The following BCAR1 variants were observed in gnomAD, a reference collection of about 807,000 sequenced individuals.
BCAR1 encodes breast cancer anti-estrogen resistance protein 1.
BCAR1 carries 30 observed loss-of-function variants against 67.6 expected under a neutral mutation model. The observed-to-expected ratio is 0.44, with a 90% confidence interval of 0.33 to 0.60. The LOEUF (loss-of-function observed/expected upper bound fraction) is 0.60. BCAR1 is among the 20% of genes least tolerant of loss of function. The probability of loss-of-function intolerance (pLI) is 0.02; values close to 1 mark genes in which losing one functional copy is unlikely to be tolerated. For missense variants in BCAR1, 1,313 were observed against 1,222.3 expected, an observed-to-expected ratio of 1.07 and a Z score of -1.11; for synonymous variants, 626 against 556.7, an observed-to-expected ratio of 1.12 and a Z score of -1.75.
At chr16:75,240,946 G>A (rs1422946798) in intron 2 of BCAR1, among the ~76,000 whole-genome samples, 1 of 152,232 alleles carries the variant, frequency 6.6e-6, no homozygotes, top group Non-Finnish European at 1.5e-5. Flanking sequence ...TGGGGGTCTC[G>A]CTGCTGCTCC....
At chr16:75,240,116 G>C (rs1368036804) in intron 2 of BCAR1, among the ~76,000 whole-genome samples, 2 of 152,116 alleles carry the variant, frequency 1.3e-5, no homozygotes, top group Non-Finnish European at 2.9e-5. Flanking sequence ...GCAACCACTG[G>C]ACCCTGCTCC....
intron 5 of BCAR1, 58 bp downstream of exon 5, chr16:75,234,831 T>A: frequency 6.6e-7 from 1 of 1,510,140 alleles, no homozygotes; most frequent in South Asian, 1.3e-5. Context: ...AATCTCCCCC[T>A]AAGCACAGGA....
intron 1 of BCAR1, chr16:75,248,310 G>A (rs1404570204): frequency 5.1e-6 from 7 of 1,384,216 alleles, no homozygotes; most frequent in Non-Finnish European, 6.6e-6. Flanking sequence ...GCACATAGCA[G>A]GCACTTGGGA....
At chr16:75,234,669 G>A (rs574935384) in intron 5 of BCAR1, among the ~76,000 whole-genome samples, 2 of 152,312 alleles carry the variant, frequency 1.3e-5, no homozygotes, top group Admixed American at 6.5e-5. Context: ...CAGAGTCACC[G>A]CTGCTGGTCA....
chr16:75,231,191 G>A (rs1299197688), intron 6 of BCAR1, among the ~76,000 whole-genome samples: 1 of 151,728 alleles, frequency 6.6e-6, no homozygotes, highest in East Asian at 1.9e-4. Context: ...CTGCCTCCTG[G>A]GTTCAAGCGA....
intron 1 of BCAR1, chr16:75,247,760 C>T: frequency 2.2e-6 from 1 of 446,334 alleles, no homozygotes; most frequent in Non-Finnish European, 4.1e-6. Flanking sequence ...TGACCAAAAC[C>T]CTCTCTGCCA....
At chr16:75,244,111 G>A (rs1246440142) in intron 1 of BCAR1, among the ~76,000 whole-genome samples, 1 of 152,238 alleles carries the variant, frequency 6.6e-6, no homozygotes, top group East Asian at 1.9e-4. Flanking sequence ...TGCCAGGCTG[G>A]CTGGACAGTG....
intron 6 of BCAR1, among the ~76,000 whole-genome samples, chr16:75,231,967 C>T (rs1230164135): frequency 6.6e-6 from 1 of 152,070 alleles, no homozygotes; most frequent in African/African-American, 2.4e-5. Flanking sequence ...CCGCAACCTC[C>T]GCCTCCTGGG....
In BCAR1 at chr16:75,251,605, C is replaced by G. The variant is rs1597262802; in HGVS notation, c.-123G>C. 2.9e-6 allele frequency: 3 copies of G among 1,022,460 alleles called. No individual in the cohort carries two copies. Among genetic ancestry groups the G allele is most frequent in the Non-Finnish European group, 3.5e-6 (3 of 855,900 alleles). 63.3% of individuals were successfully genotyped at this position (1,022,460 alleles called of 1,614,324 possible). ...CGGTGCCGCCGCGCAGCTGCCGCCT[C>G]GGCCACCCAGAGCCGGTCCAGCCGC... is the stretch of plus-strand genomic sequence containing the variant. On this transcript the variant is annotated 5_prime_UTR_variant, in exon 1 of 7. Transcript: ENST00000162330.
In BCAR1 at chr16:75,263,774, C is replaced by T. The variant is rs934077223; in HGVS notation, c.66+4141G>A. The T allele has an allele frequency of 1.9e-5, 19 of 986,740 alleles. No homozygotes were observed. The African/African-American group carries it at 2.1e-4, about 11-fold the overall frequency. 61.1% of individuals were successfully genotyped at this position (986,740 alleles called of 1,614,324 possible). On this transcript the variant is annotated intron_variant, in intron 1 of 6. Coordinates refer to the BCAR1 transcript ENST00000393422. ...AAACCCAGACGTGTCCCTGAGCAGT[C>T]GCCACTCTGGGTTCCAAGGGCAGGG...
rs551231381 is a variant in BCAR1, at chr16:75,242,605, C to G, written c.498G>C (p.Gln166His). Residue 166 changes from glutamine (Q) to histidine (H), a missense_variant, in exon 2 of 7, where the codon CAG becomes CAC. By Grantham distance (24) the Gln-to-His change is conservative (BLOSUM62 0). This residue lies in a region of BCAR1 where 1,272 missense variants were observed against 1,137.5 expected (regional missense o/e 1.12). Transcript: ENST00000162330. ...CAGGGCCTCCAGGCCCTGGGGGCAC[C>G]TGGTACAGGTCTGTGGCCGGGCTGG... Reference protein sequence around the residue: ...PFPSPATDLYQVPPGPGGPAQ... With the variant: ...PFPSPATDLYHVPPGPGGPAQ... The G allele has an allele frequency of 1.5e-5, 23 of 1,498,824 alleles. No individual in the cohort carries two copies. Among genetic ancestry groups the G allele is most frequent in the Non-Finnish European group, 2.0e-5 (22 of 1,124,852 alleles). 92.8% of individuals were successfully genotyped at this position (1,498,824 alleles called of 1,614,324 possible).
rs547055573 is a variant in BCAR1, at chr16:75,240,999, G to A, written c.633+1471C>T. Among the ~76,000 whole-genome samples the A allele has an allele frequency of 2.0e-5, 3 of 152,392 alleles. No individual in the cohort carries two copies. The East Asian group carries it at 5.8e-4, about 29-fold the overall frequency. On this transcript the variant is annotated intron_variant, in intron 2 of 6. Transcript: ENST00000162330. ...CAGCCGCACCAGGACAAGCTTCACT[G>A]CAAAGGCGGGAGAGGAGGGGTGGGG...
intron 1 of BCAR1, chr16:75,264,122 T>G (rs2077958182): frequency 1.3e-5 from 17 of 1,296,004 alleles, no homozygotes; most frequent in Non-Finnish European, 1.7e-5. Context: ...GTCCAAGTCC[T>G]ACCCAGCCCG....
rs899710888 is a variant in BCAR1, at chr16:75,243,399, C to G, written c.13-309G>C. ...TCCCTAAAAGCCCCACCCAAGGCCA[C>G]TCTGCTACCTGGACCAACACAAGGA... On this transcript the variant is annotated intron_variant, in intron 1 of 6. Coordinates refer to ENST00000162330, the MANE Select transcript of BCAR1 (RefSeq NM_014567.5). 4.9e-6 allele frequency: 3 copies of G among 610,522 alleles called. No individual in the cohort carries two copies. In the African/African-American group the frequency reaches 5.4e-5, roughly 11 times the overall value. The allele number at this position is 610,522 out of a possible 1,614,324, so 37.8% of individuals were successfully genotyped here.
At chr16:75,255,494 G>C (rs894349835), upstream of BCAR1, among the ~76,000 whole-genome samples, 11 of 151,658 alleles carry the variant, frequency 7.3e-5, no homozygotes, top group Admixed American at 5.2e-4. Context: ...TTAGGAGGTC[G>C]AGACTAGCCT....
chr16:75,229,324 G>T lies in BCAR1; in HGVS notation c.*187C>A, dbSNP rs1597143203. 7.0e-6 allele frequency: 7 copies of T among 1,001,992 alleles called. No individual in the cohort carries two copies. The highest frequency in any genetic ancestry group is 9.7e-6 in the Non-Finnish European group (7 of 723,812). The allele number at this position is 1,001,992 out of a possible 1,614,324, so 62.1% of individuals were successfully genotyped here. ...GGCCGGCCCCTGGGCTTCGGCTCCT[G>T]AGGAGGCATGGCCCCACACCCTGCC... On this transcript the variant is annotated 3_prime_UTR_variant, in exon 7 of 7. Coordinates refer to ENST00000162330, the MANE Select transcript of BCAR1 (RefSeq NM_014567.5).
At position 75,237,170 on chromosome 16, in the gene BCAR1, A is replaced by G; in HGVS notation, c.795+13T>C. The G allele has an allele frequency of 1.3e-6, 2 of 1,551,460 alleles. No homozygotes were observed. The highest frequency in any genetic ancestry group is 1.7e-6 in the Non-Finnish European group (2 of 1,153,784). ...CCGCCCTGCCCTCCCACCGCTGCGCACCCCACACCTACCTCCTGGCCATAC... is the reference window on the plus strand; with the variant it reads ...CCGCCCTGCCCTCCCACCGCTGCGCGCCCCACACCTACCTCCTGGCCATAC... On this transcript the variant is annotated intron_variant, in intron 3 of 6. Transcript: ENST00000162330.
chr16:75,255,331 GT>G (rs1017646845), upstream of BCAR1, among the ~76,000 whole-genome samples: 1 of 152,166 alleles, frequency 6.6e-6, no homozygotes, highest in Admixed American at 6.5e-5. Flanking sequence ...GAGGCCGGAG[GT>G]GAGCACTGCC....
At chr16:75,233,742 C>T in intron 6 of BCAR1, 104 bp downstream of exon 6, 2 of 1,220,014 alleles carry the variant, frequency 1.6e-6, no homozygotes, top group African/African-American at 1.5e-5. Flanking sequence ...CACTGTCAGA[C>T]AACATGAGAA....
Sources: gnomAD v4.1 joint callset for allele counts (sites outside exome capture counted in the v4.1 genomes callset) on GRCh38, gnomAD v4.1.1 for gene constraint, gnomAD v4.1.1 regional missense constraint, MANE v1.5 for transcripts, NCBI Gene and HGNC (gene_info 2026-07-23, HGNC 2026-07-21) for gene names.